Variants in SACS observed in about 807,000 individuals in gnomAD.
SACS encodes sacsin.
SACS carries 197 observed loss-of-function variants against 348.0 expected under a neutral mutation model. That is an observed-to-expected ratio of 0.57 (90% CI 0.50 to 0.64). The LOEUF is 0.64. Ranked by LOEUF, SACS falls within the 30% of genes least tolerant of loss-of-function variation. SACS has a pLI of 0.00. For missense variants in SACS, 4,999 were observed against 5,360.8 expected, an observed-to-expected ratio of 0.93 and a Z score of 2.11; for synonymous variants, 1,985 against 1,910.6, an observed-to-expected ratio of 1.04 and a Z score of -1.02.
At position 23,337,652 on chromosome 13, in the gene SACS, G is replaced by A. The variant is rs1868767797; in HGVS notation, c.6224C>T (p.Pro2075Leu). Residue 2075 changes from proline to leucine, a missense_variant, in exon 10 of 10, where the codon CCT (proline) becomes CTT (leucine). By Grantham distance (98) the Pro-to-Leu change is moderately conservative. This residue lies in a region of SACS where 3,156 missense variants were observed against 3,380.1 expected (regional missense o/e 0.93). Transcript: ENST00000382292. ...TTCATTTAGAACAAAGATCATTAAA[G>A]GATCTCTAAGTTCTGCTTCAATTTC... Reference protein sequence around the residue: ...IQEIEAELRDPLMIFVLNEKV... With the variant: ...IQEIEAELRDLLMIFVLNEKV... 13 of 1,613,344 alleles carry A rather than the reference G, an allele frequency of 8.1e-6. No homozygotes were observed. The highest frequency in any genetic ancestry group is 1.1e-5 in the Non-Finnish European group (13 of 1,179,700).
rs747496264 is a variant in SACS, at chr13:23,354,579, G to A, written c.2033C>T (p.Pro678Leu). 6.2e-7 allele frequency: 1 copy of A among 1,614,088 alleles called. No individual in the cohort carries two copies. Among genetic ancestry groups the A allele is most frequent in the Non-Finnish European group, 8.5e-7 (1 of 1,179,926 alleles). The change falls in exon 8 of 10, where the codon CCC (proline) becomes CTC (leucine). Residue 678 changes from proline to leucine, a missense_variant. Around this residue, in one of 6 missense-constraint regions of SACS, gnomAD observed 3,156 missense variants for 3,380.1 expected, o/e 0.93. Transcript: ENST00000382292. ...LLPLQNGNFVPFSSSVSDQDV... is the reference protein window; with the variant it reads ...LLPLQNGNFVLFSSSVSDQDV... ...TTGGTCTGATACAGATGAGGAGAAG[G>A]GGACAAAATTGCCATTTTGTAAAGG...
chr13:23,425,749 G>A (rs1405845658), intron 1 of SACS, among the ~76,000 whole-genome samples: 2 of 149,334 alleles, frequency 1.3e-5, no homozygotes, highest in African/African-American at 2.5e-5. Context: ...GAAGATCTCA[G>A]GTGGGTGCTG....
intron 6 of SACS, among the ~76,000 whole-genome samples, chr13:23,362,147 G>A (rs150528681): frequency 3.0e-4 from 46 of 152,328 alleles, no homozygotes; most frequent in African/African-American, 1.1e-3. Flanking sequence ...AGCTCCCTCT[G>A]TTAAGTGCTG....
chr13:23,411,621 G>T lies in SACS; in HGVS notation c.-382C>A. On this transcript the variant is annotated 5_prime_UTR_variant, in exon 2 of 10. Coordinates refer to ENST00000382292, the MANE Select transcript of SACS (RefSeq NM_014363.6). ...CTTTTTGAAGGTTCTTGGGGAAAAC[G>T]TCGCAGAAATTCTTGGATTTTGTTT... is the stretch of plus-strand genomic sequence containing the variant. 1 of 197,140 alleles carries T rather than the reference G, an allele frequency of 5.1e-6. No individual in the cohort carries two copies. Among genetic ancestry groups the T allele is most frequent in the Non-Finnish European group, 1.0e-5 (1 of 99,286 alleles). The allele number at this position is 197,140 out of a possible 1,614,324, so 12.2% of individuals were successfully genotyped here.
At chr13:23,402,553 G>A (rs1873024831) in intron 2 of SACS, among the ~76,000 whole-genome samples, 1 of 152,138 alleles carries the variant, frequency 6.6e-6, no homozygotes, top group Non-Finnish European at 1.5e-5. Flanking sequence ...TTGTAACAAG[G>A]CATAATTGGA....
chr13:23,345,071 T>C (rs1469762681), intron 9 of SACS, among the ~76,000 whole-genome samples: 2 of 152,188 alleles, frequency 1.3e-5, no homozygotes, highest in African/African-American at 2.4e-5. Flanking sequence ...TCCTCCAGTC[T>C]CCAGCTGGCT....
intron 5 of SACS, among the ~76,000 whole-genome samples, chr13:23,368,076 CTGGTTGGTTGGT>C (rs58921322): frequency 5.2e-4 from 79 of 151,980 alleles, no homozygotes; most frequent in Middle Eastern, 3.4e-3. Flanking sequence ...GGCTGGCTGG[CTGGTTGGTTGGT>C]TGGTTGGTTG....
intron 3 of SACS, among the ~76,000 whole-genome samples, chr13:23,371,943 A>G (rs532844075): frequency 1.3e-5 from 2 of 152,306 alleles, no homozygotes; most frequent in African/African-American, 2.4e-5. Flanking sequence ...TTGTTAAACA[A>G]TTATTAAAAG....
Position 23,341,229 on chromosome 13 carries a change from T to C in SACS, c.2647A>G (p.Met883Val), listed in dbSNP as rs1185254667. ...TGATTACACAATTTCTGCAATGGCATCTTCTCCATTATCTGCAAAACAGCA... is the reference window on the plus strand; with the variant it reads ...TGATTACACAATTTCTGCAATGGCACCTTCTCCATTATCTGCAAAACAGCA... Reference protein sequence around the residue: ...PSAVLQIMEKMPLQKLCNQIT... With the variant: ...PSAVLQIMEKVPLQKLCNQIT... Residue 883 changes from methionine to valine, a missense_variant, in exon 10 of 10, where the codon ATG becomes GTG. Physicochemically the swap from Met to Val is conservative, Grantham distance 21 (BLOSUM62 1). Coordinates refer to ENST00000382292, the MANE Select transcript of SACS (RefSeq NM_014363.6). The C allele has an allele frequency of 6.2e-7, 1 of 1,614,088 alleles. No homozygotes were observed.
In SACS at chr13:23,335,918, C is replaced by T. The variant is rs1868551094; in HGVS notation, c.7958G>A (p.Arg2653Lys). 6.8e-6 allele frequency: 11 copies of T among 1,613,020 alleles called. No homozygotes were observed. The highest frequency in any genetic ancestry group is 9.3e-6 in the Non-Finnish European group (11 of 1,179,114). ...DILCIFDPHARYAPGATSISP... is the reference protein window; with the variant it reads ...DILCIFDPHAKYAPGATSISP... ...AATGGATGTGGCCCCTGGTGCATAT[C>T]TGGCATGAGGATCAAAAATACACAG... is the stretch of plus-strand genomic sequence containing the variant. The change falls in exon 10 of 10, where the codon AGA (arginine) becomes AAA (lysine). Residue 2653 changes from arginine to lysine, a missense_variant. Transcript: ENST00000382292. The surrounding 1 kb of genome is among the most constrained non-coding windows in gnomAD (Gnocchi z 4.7).
At chr13:23,362,357 A>G (rs74990044) in intron 6 of SACS, among the ~76,000 whole-genome samples, 1 of 152,274 alleles carries the variant, frequency 6.6e-6, no homozygotes, top group African/African-American at 2.4e-5. Flanking sequence ...GCCTTTTATT[A>G]TCTCATTATA....
intron 2 of SACS, among the ~76,000 whole-genome samples, chr13:23,380,032 T>C (rs1012288267): frequency 2.0e-5 from 3 of 152,158 alleles, no homozygotes; most frequent in Non-Finnish European, 2.9e-5. Context: ...CATGACATCG[T>C]TGATTCTTCC....
At chr13:23,392,545 C>T (rs946315858) in intron 2 of SACS, among the ~76,000 whole-genome samples, 5 of 152,174 alleles carry the variant, frequency 3.3e-5, no homozygotes, top group Non-Finnish European at 5.9e-5. Context: ...TGCCTTTTCT[C>T]GAGCACTCAT....
Position 23,330,029 on chromosome 13 carries a change from A to G in SACS, c.*107T>C, listed in dbSNP as rs1384033685. 2.0e-6 allele frequency: 2 copies of G among 999,840 alleles called. No individual in the cohort carries two copies. The highest frequency in any genetic ancestry group is 3.2e-5 in the African/African-American group (2 of 62,476). 61.9% of individuals were successfully genotyped at this position (999,840 alleles called of 1,614,324 possible). On this transcript the variant is annotated 3_prime_UTR_variant, in exon 10 of 10. Coordinates refer to ENST00000382292, the MANE Select transcript of SACS (RefSeq NM_014363.6). ...CAGAATTCTCCAAGAACAATCTGCAATGTGCTTAACAATTCCTAGCTAATT... is the reference window on the plus strand; with the variant it reads ...CAGAATTCTCCAAGAACAATCTGCAGTGTGCTTAACAATTCCTAGCTAATT...
At chr13:23,395,273 C>G (rs1200949314) in intron 2 of SACS, among the ~76,000 whole-genome samples, 1 of 152,138 alleles carries the variant, frequency 6.6e-6, no homozygotes, top group African/African-American at 2.4e-5. Context: ...ACTGAAACCC[C>G]CCTTCTCAAG....
At chr13:23,417,765 G>A (rs7320968) in intron 1 of SACS, among the ~76,000 whole-genome samples, 20,321 of 151,960 alleles carry the variant, frequency 0.13, 1,637 homozygotes, top group East Asian at 0.22. Flanking sequence ...TCAAGGAAAG[G>A]ATTGTTAAAA....
intron 1 of SACS, among the ~76,000 whole-genome samples, chr13:23,432,439 C>T (rs1055767876): frequency 2.0e-5 from 3 of 151,936 alleles, no homozygotes; most frequent in Non-Finnish European, 4.4e-5. Flanking sequence ...ATGAAAGGGA[C>T]GGCTAAGGAG....
At position 23,335,133 on chromosome 13, in the gene SACS, T is replaced by C; in HGVS notation, c.8743A>G (p.Thr2915Ala). 6.2e-7 allele frequency: 1 copy of C among 1,613,914 alleles called. No homozygotes were observed. The highest frequency in any genetic ancestry group is 8.5e-7 in the Non-Finnish European group (1 of 1,179,826). ...VRSDWNNSLMTALIAPAYVEL... is the reference protein window; with the variant it reads ...VRSDWNNSLMAALIAPAYVEL... ...ACATATGCAGGAGCTATTAATGCTG[T>C]CATTAAACTGTTATTCCAGTCACTT... Residue 2915 changes from threonine to alanine, a missense_variant, in exon 10 of 10, where the codon ACA becomes GCA. Thr to Ala is a moderately conservative substitution (Grantham distance 58, BLOSUM62 0). Transcript: ENST00000382292. This position sits in a 1 kb window ranked among gnomAD's most constrained non-coding sequence, Gnocchi z 4.7.
chr13:23,334,687 T>A lies in SACS; in HGVS notation c.9189A>T (p.Leu3063Phe), dbSNP rs2137586103. 1 of 1,613,746 alleles carries A rather than the reference T, an allele frequency of 6.2e-7. No individual in the cohort carries two copies. The highest frequency in any genetic ancestry group is 2.2e-5 in the East Asian group (1 of 44,866). ...TATAAACCAAGTTGAAACCAATTTC[T>A]AAAAGGAGATGTTTCAGCCTATAGA... is the stretch of plus-strand genomic sequence containing the variant. ...ENVYRLKHLL[L>F]EIGFNLVYNC... The change falls in exon 10 of 10, where the codon TTA (leucine) becomes TTT (phenylalanine). Residue 3063 changes from leucine to phenylalanine, a missense_variant. Leu to Phe is a conservative substitution (Grantham distance 22). Around this residue, in one of 6 missense-constraint regions of SACS, gnomAD observed 734 missense variants for 694.0 expected, o/e 1.06. Coordinates refer to ENST00000382292, the MANE Select transcript of SACS (RefSeq NM_014363.6).
Sources: gnomAD v4.1 joint callset for allele counts (sites outside exome capture counted in the v4.1 genomes callset) on GRCh38, gnomAD v4.1.1 for gene constraint, gnomAD v4.1.1 regional missense constraint, Gnocchi (gnomAD v3.1) non-coding constraint, MANE v1.5 for transcripts, NCBI Gene and HGNC (gene_info 2026-07-23, HGNC 2026-07-21) for gene names.